PFKFB3: variants seen among roughly 807,000 people sequenced by gnomAD.
PFKFB3 encodes the protein 6-phosphofructo-2-kinase/fructose-2,6-biphosphatase 3.
A neutral mutation model predicts 68.0 loss-of-function variants in PFKFB3; 33 were observed. The observed-to-expected ratio is 0.49, with a 90% CI of 0.37 to 0.65. The LOEUF (loss-of-function observed/expected upper bound fraction) is 0.65. Ranked by LOEUF, PFKFB3 falls within the 30% of genes least tolerant of loss-of-function variation. PFKFB3 has a pLI of 0.00. For synonymous variants in PFKFB3, 315 were observed against 288.2 expected, an observed-to-expected ratio of 1.09 and a Z score of -0.94; for missense variants, 586 against 712.2, an observed-to-expected ratio of 0.82 and a Z score of 2.02.
chr10:6,255,584 T>C (rs1347115791), downstream of PFKFB3, among the ~76,000 whole-genome samples: 1 of 152,222 alleles, frequency 6.6e-6, no homozygotes, highest in East Asian at 1.9e-4. Context: ...CTGGGAGGAA[T>C]AGAGTGTACT....
At chr10:6,173,015 C>T (rs374285578) in intron 1 of PFKFB3, among the ~76,000 whole-genome samples, 5 of 152,262 alleles carry the variant, frequency 3.3e-5, no homozygotes, top group East Asian at 3.9e-4. Context: ...CCCAGCATCC[C>T]CTTACACAGG....
chr10:6,220,540 G>A lies in PFKFB3; in HGVS notation c.624-118G>A. On this transcript the variant is annotated intron_variant, in intron 7 of 14. Coordinates refer to ENST00000379775, the MANE Select transcript of PFKFB3 (RefSeq NM_004566.4). This position sits in a 1 kb window ranked among gnomAD's most constrained non-coding sequence, Gnocchi z 4.1. ...TTAGAAGGATTCAGTCTGTGCCCTG[G>A]AGGGGCCTACGGTCCCGCCTTGCTG... 1.2e-6 allele frequency: 1 copy of A among 838,866 alleles called. No individual in the cohort carries two copies. The highest frequency in any genetic ancestry group is 1.5e-5 in the South Asian group (1 of 64,922). The allele number at this position is 838,866 out of a possible 1,614,324, so 52.0% of individuals were successfully genotyped here.
At chr10:6,219,258 G>A (rs1337525923) in intron 6 of PFKFB3, among the ~76,000 whole-genome samples, 2 of 152,226 alleles carry the variant, frequency 1.3e-5, no homozygotes, top group East Asian at 1.9e-4. Context: ...AGGCTGTCTG[G>A]CGGTGACTCG....
At chr10:6,224,465 G>C (rs1845185185) in intron 13 of PFKFB3, 1 of 634,378 alleles carries the variant, frequency 1.6e-6, no homozygotes. Flanking sequence ...ATGAATATTA[G>C]TGAGGAAGAT....
At chr10:6,191,899 C>A (rs1390496689) in intron 1 of PFKFB3, among the ~76,000 whole-genome samples, 6 of 152,148 alleles carry the variant, frequency 3.9e-5, no homozygotes, top group Admixed American at 3.9e-4. Context: ...GGGATGGTGT[C>A]CAGGTGGCTC....
At chr10:6,304,333 A>G in the PFKFB3 span, among the ~76,000 whole-genome samples, 2 of 151,882 alleles carry the variant, frequency 1.3e-5, no homozygotes, top group African/African-American at 2.4e-5. Flanking sequence ...AACCTGAGAC[A>G]TGGTGGATTT....
chr10:6,286,414 G>A, the PFKFB3 span, among the ~76,000 whole-genome samples: 7 of 152,092 alleles, frequency 4.6e-5, no homozygotes, highest in East Asian at 1.9e-4. Flanking sequence ...GTCTCACTCC[G>A]TCACTCAGGC....
the PFKFB3 span, among the ~76,000 whole-genome samples, chr10:6,262,452 CAAAAAAAAA>C: frequency 1.1e-4 from 3 of 27,620 alleles, no homozygotes; most frequent in South Asian, 1.9e-3. Context: ...GACTCCATCT[CAAAAAAAAA>C]AAAAAAAAAA....
chr10:6,211,742 G>A (rs1467279402), intron 1 of PFKFB3, among the ~76,000 whole-genome samples: 1 of 152,208 alleles, frequency 6.6e-6, no homozygotes, highest in Non-Finnish European at 1.5e-5. Flanking sequence ...CTAGGTCACT[G>A]GACATCAAGA....
intron 14 of PFKFB3, among the ~76,000 whole-genome samples, chr10:6,242,563 G>A (rs1352125559): frequency 6.7e-5 from 10 of 150,370 alleles, no homozygotes; most frequent in South Asian, 4.6e-4. Context: ...TGTTCCCACC[G>A]TAGTGCCCTG....
rs1844522487 is a variant in PFKFB3 at position 6,215,600 on chromosome 10, C to T, written c.299+283C>T. Among the ~76,000 whole-genome samples, 1 of 152,170 alleles carries T rather than the reference C, an allele frequency of 6.6e-6. No individual in the cohort carries two copies. The highest frequency in any genetic ancestry group is 1.5e-5 in the Non-Finnish European group (1 of 68,030). On this transcript the variant is annotated intron_variant, in intron 3 of 14. Coordinates refer to ENST00000379775, the MANE Select transcript of PFKFB3 (RefSeq NM_004566.4). The surrounding 1 kb of genome is among the most constrained non-coding windows in gnomAD (Gnocchi z 4.3). ...AACAAGGTTGCTGCTCTCATCTGTC[C>T]CCTGAGGGTCTCGCTGAGCTGACCC...
At chr10:6,187,021 A>G (rs1367735880) in intron 1 of PFKFB3, among the ~76,000 whole-genome samples, 3 of 151,882 alleles carry the variant, frequency 2.0e-5, no homozygotes, top group African/African-American at 7.3e-5. Flanking sequence ...CTGGCAGGGG[A>G]GACCAATGTG....
At chr10:6,286,728 A>T in the PFKFB3 span, among the ~76,000 whole-genome samples, 1 of 152,116 alleles carries the variant, frequency 6.6e-6, no homozygotes, top group African/African-American at 2.4e-5. Flanking sequence ...TAAAGTGATT[A>T]TTTTTATAGT....
At chr10:6,250,283 C>T (rs893509499) in intron 14 of PFKFB3, among the ~76,000 whole-genome samples, 5 of 151,926 alleles carry the variant, frequency 3.3e-5, no homozygotes, top group Non-Finnish European at 5.9e-5. Flanking sequence ...GAGGCGGGGT[C>T]GGCCAGGCGC....
chr10:6,250,375 C>G (rs575839330), intron 14 of PFKFB3, among the ~76,000 whole-genome samples: 91 of 152,072 alleles, frequency 6.0e-4, no homozygotes, highest in African/African-American at 2.1e-3. Flanking sequence ...ACCATCCTGG[C>G]TAACACGGTG....
At chr10:6,187,398 A>G (rs892526643) in intron 1 of PFKFB3, among the ~76,000 whole-genome samples, 6 of 152,064 alleles carry the variant, frequency 3.9e-5, no homozygotes, top group Non-Finnish European at 8.8e-5. Context: ...TTTTTGTCCT[A>G]TCTCACTTCG....
At chr10:6,185,693 T>C (rs970059876) in intron 1 of PFKFB3, among the ~76,000 whole-genome samples, 1 of 139,856 alleles carries the variant, frequency 7.2e-6, no homozygotes, top group African/African-American at 2.7e-5. Flanking sequence ...AAGGCTGGAG[T>C]GCAATGTGAG....
chr10:6,168,953 A>G (rs1220606773), intron 1 of PFKFB3, among the ~76,000 whole-genome samples: 1 of 150,882 alleles, frequency 6.6e-6, no homozygotes, highest in Non-Finnish European at 1.5e-5. Flanking sequence ...AAAAGTCCCC[A>G]CTCCTTATGC....
chr10:6,159,120 C>T (rs376731173), intron 1 of PFKFB3, among the ~76,000 whole-genome samples: 5 of 152,124 alleles, frequency 3.3e-5, no homozygotes, highest in South Asian at 2.1e-4. Flanking sequence ...ACAGGCCAGG[C>T]GCTGTGGCTC....
Sources: allele counts gnomAD v4.1 joint callset (sites outside exome capture counted in the v4.1 genomes callset), GRCh38; gene constraint gnomAD v4.1.1; non-coding constraint Gnocchi (gnomAD v3.1); transcripts MANE v1.5; gene names NCBI Gene and HGNC (gene_info 2026-07-23, HGNC 2026-07-21).